Variants in MPZL1 observed in about 807,000 individuals in gnomAD.
The protein encoded by MPZL1 is myelin protein zero like 1.
In MPZL1, 16 loss-of-function variants were observed where a neutral mutation model predicts 29.3. That is an observed-to-expected ratio of 0.55 (90% CI 0.37 to 0.83). MPZL1 has a LOEUF of 0.83. MPZL1 is among the 40% of genes least tolerant of loss of function. The probability of loss-of-function intolerance (pLI) is 0.00; values close to 1 mark genes in which losing one functional copy is unlikely to be tolerated. For synonymous variants in MPZL1, 143 were observed against 132.0 expected, an observed-to-expected ratio of 1.08 and a Z score of -0.57; for missense variants, 279 against 332.9, an observed-to-expected ratio of 0.84 and a Z score of 1.26.
chr1:167,747,545 A>G (rs1660670820), intron 1 of MPZL1, among the ~76,000 whole-genome samples: 1 of 152,206 alleles, frequency 6.6e-6, no homozygotes, highest in Non-Finnish European at 1.5e-5. Context: ...AAAATGTTAG[A>G]TAGTAGTATG....
rs949643502 is a variant in MPZL1 at position 167,790,636 on chromosome 1, T to G, written c.*2715T>G. On this transcript the variant is annotated 3_prime_UTR_variant, in exon 6 of 6. Transcript: ENST00000359523. ...CTTCGTCCTGGCAAACAGGGTCGTC[T>G]TAAAATTATGCGCTAATTCTGTATG... 2 of 152,236 alleles carry G rather than the reference T, an allele frequency of 1.3e-5. No individual in the cohort carries two copies. The highest frequency in any genetic ancestry group is 4.8e-5 in the African/African-American group (2 of 41,466). The allele number at this position is 152,236 out of a possible 1,614,324, so 9.4% of individuals were successfully genotyped here. A position where few individuals can be genotyped will look rare whatever the true frequency, so the allele number is the denominator to read the frequency against.
At chr1:167,780,964 T>C (rs989273864) in intron 5 of MPZL1, among the ~76,000 whole-genome samples, 6 of 152,108 alleles carry the variant, frequency 3.9e-5, no homozygotes, top group Non-Finnish European at 8.8e-5. Context: ...ATCTGGGTGG[T>C]AATAATATCA....
chr1:167,760,771 G>GTC (rs1387984571), intron 1 of MPZL1, among the ~76,000 whole-genome samples: 2 of 136,654 alleles, frequency 1.5e-5, no homozygotes, highest in Non-Finnish European at 3.2e-5. Context: ...GTGTGTGTGT[G>GTC]TGTGTGTGTG....
chr1:167,773,953 A>G (rs1269961676), intron 4 of MPZL1: 1 of 151,688 alleles, frequency 6.6e-6, no homozygotes, highest in East Asian at 1.9e-4. Flanking sequence ...TTAATAAACT[A>G]CCTCCCCCAG....
chr1:167,774,384 G>A (rs1487728361), intron 4 of MPZL1, among the ~76,000 whole-genome samples: 2 of 152,210 alleles, frequency 1.3e-5, no homozygotes, highest in African/African-American at 2.4e-5. Flanking sequence ...TCTCTTGCTG[G>A]TGGATGGTGG....
At position 167,788,036 on chromosome 1, in the gene MPZL1, G is replaced by C; in HGVS notation, c.*115G>C. On this transcript the variant is annotated 3_prime_UTR_variant, in exon 6 of 6. Transcript: ENST00000359523. ...GAGACCCAGGCAAGGACAAGTACACGTGTACTCACAGAGGGAGAGAAAGAT... is the reference window on the plus strand; with the variant it reads ...GAGACCCAGGCAAGGACAAGTACACCTGTACTCACAGAGGGAGAGAAAGAT... The C allele has an allele frequency of 1.3e-6, 1 of 748,158 alleles. No homozygotes were observed. The highest frequency in any genetic ancestry group is 2.4e-6 in the Non-Finnish European group (1 of 425,452). 46.3% of individuals were successfully genotyped at this position (748,158 alleles called of 1,614,324 possible).
intron 5 of MPZL1, among the ~76,000 whole-genome samples, chr1:167,777,900 C>G (rs778505185): frequency 2.6e-5 from 4 of 152,142 alleles, no homozygotes; most frequent in Non-Finnish European, 4.4e-5. Context: ...TAAAAGGAAG[C>G]CTTTAAAGAA....
intron 3 of MPZL1, 124 bp from the exon 4 acceptor site, chr1:167,773,112 G>A (rs919398024): frequency 8.4e-6 from 8 of 952,130 alleles, no homozygotes; most frequent in African/African-American, 6.6e-5. Flanking sequence ...GGATCTCATA[G>A]TTTGGATAAT....
At chr1:167,782,565 G>A (rs1471204211) in intron 5 of MPZL1, among the ~76,000 whole-genome samples, 1 of 152,166 alleles carries the variant, frequency 6.6e-6, no homozygotes, top group Non-Finnish European at 1.5e-5. Flanking sequence ...TGCACAGGAG[G>A]TAAAAAAATT....
chr1:167,765,517 G>A, intron 1 of MPZL1, 66 bp from the exon 2 acceptor site: 4 of 1,383,666 alleles, frequency 2.9e-6, no homozygotes, highest in Non-Finnish European at 3.9e-6. Context: ...TTCTTGTCTG[G>A]CAAAAATGCA....
intron 1 of MPZL1, among the ~76,000 whole-genome samples, chr1:167,749,459 G>T (rs1660712751): frequency 6.6e-6 from 1 of 152,154 alleles, no homozygotes; most frequent in African/African-American, 2.4e-5. Flanking sequence ...AGGCTTAGGG[G>T]AAAATCTTGA....
At chr1:167,787,203 T>C (rs1004103526) in intron 5 of MPZL1, 1 of 152,228 alleles carries the variant, frequency 6.6e-6, no homozygotes, top group African/African-American at 2.4e-5. Flanking sequence ...TTATCTGATA[T>C]TAAAAATCAA....
intron 1 of MPZL1, among the ~76,000 whole-genome samples, chr1:167,750,964 CTGA>C (rs1173313677): frequency 6.6e-6 from 1 of 152,116 alleles, no homozygotes; most frequent in Middle Eastern, 3.2e-3. Context: ...TCAAGTGTGT[CTGA>C]TGATTTAGGC....
intron 4 of MPZL1, among the ~76,000 whole-genome samples, chr1:167,774,365 G>A (rs1014167222): frequency 2.6e-5 from 4 of 152,228 alleles, no homozygotes; most frequent in African/African-American, 9.6e-5. Flanking sequence ...AGGATTGCAT[G>A]TCCTGAACTC....
chr1:167,726,963 A>G (rs1660160699), intron 1 of MPZL1, among the ~76,000 whole-genome samples: 1 of 152,250 alleles, frequency 6.6e-6, no homozygotes, highest in African/African-American at 2.4e-5. Context: ...ACTCAAATAA[A>G]TAATACCAAA....
intron 2 of MPZL1, 149 bp downstream of exon 2, chr1:167,765,898 GATAAA>G (rs1661106143): frequency 3.1e-6 from 2 of 637,252 alleles, no homozygotes; most frequent in East Asian, 6.7e-5. Context: ...TTTGCTTCAG[GATAAA>G]ATAAGTTCAG....
At chr1:167,728,519 T>G (rs1321505750) in intron 1 of MPZL1, among the ~76,000 whole-genome samples, 1 of 152,112 alleles carries the variant, frequency 6.6e-6, no homozygotes, top group Non-Finnish European at 1.5e-5. Context: ...ATTCATTGTC[T>G]TTTTCAATGC....
chr1:167,727,890 A>G (rs1378785101), intron 1 of MPZL1, among the ~76,000 whole-genome samples: 2 of 129,288 alleles, frequency 1.5e-5, no homozygotes, highest in Non-Finnish European at 3.1e-5. Context: ...TTTTTTTGAG[A>G]CAGAGTCTCG....
chr1:167,739,282 C>CATATATATATATATATATATATAT (rs71959233), intron 1 of MPZL1, among the ~76,000 whole-genome samples: 9 of 90,428 alleles, frequency 1.0e-4, no homozygotes, highest in African/African-American at 2.5e-4. Flanking sequence ...TACATATATA[C>CATATATATATATATATATATATAT]ATATATATAT....
Sources: allele counts gnomAD v4.1 joint callset (sites outside exome capture counted in the v4.1 genomes callset), GRCh38; gene constraint gnomAD v4.1.1; transcripts MANE v1.5; gene names NCBI Gene and HGNC (gene_info 2026-07-23, HGNC 2026-07-21).